HDAC1: variants seen among roughly 807,000 people sequenced by gnomAD.
HDAC1 encodes histone deacetylase 1, also known as protein deacetylase HDAC1.
A neutral mutation model predicts 65.5 loss-of-function variants in HDAC1; 18 were observed. The observed-to-expected ratio is 0.27, with a 90% CI of 0.19 to 0.41. HDAC1 has a LOEUF of 0.41. Among genes scored for constraint, HDAC1 ranks in the 10% least tolerant of loss-of-function variants. HDAC1 has a pLI of 1.00. For synonymous variants in HDAC1, 211 were observed against 227.9 expected (o/e 0.93, Z 0.67); for missense variants, 373 against 625.2 (o/e 0.60, Z 4.30).
At chr1:32,326,147 A>G (rs1442814882) in intron 4 of HDAC1, among the ~76,000 whole-genome samples, 1 of 151,824 alleles carries the variant, frequency 6.6e-6, no homozygotes, top group East Asian at 1.9e-4. Context: ...TATCAGCACT[A>G]TCTTTGGTAA....
Position 32,333,276 on chromosome 1 carries a change from G to T in HDAC1, c.*232G>T. 2.5e-6 allele frequency: 1 copy of T among 406,862 alleles called. No individual in the cohort carries two copies. The highest frequency in any genetic ancestry group is 4.4e-6 in the Non-Finnish European group (1 of 228,656). The allele number at this position is 406,862 out of a possible 1,614,324, so 25.2% of individuals were successfully genotyped here. On this transcript the variant is annotated 3_prime_UTR_variant, in exon 14 of 14. Coordinates refer to ENST00000373548, the MANE Select transcript of HDAC1 (RefSeq NM_004964.3). ...TTCTTAACTTTGAACCATAAAGGGT[G>T]CCAGGTCTGGGTGAAAGGGATACTT...
In HDAC1 at chr1:32,327,170, C is replaced by T; in HGVS notation, c.494+93C>T. 7.7e-7 allele frequency: 1 copy of T among 1,304,090 alleles called. No homozygotes were observed. The highest frequency in any genetic ancestry group is 1.1e-6 in the Non-Finnish European group (1 of 919,766). 80.8% of individuals were successfully genotyped at this position (1,304,090 alleles called of 1,614,324 possible). A position where few individuals can be genotyped will look rare whatever the true frequency, so the allele number is the denominator to read the frequency against. On this transcript the variant is annotated intron_variant, in intron 5 of 13. Transcript: ENST00000373548. This position sits in a 1 kb window ranked among gnomAD's most constrained non-coding sequence, Gnocchi z 6.0. Reference sequence around the variant, plus strand: ...GGGCTTGCCTCCCTAGTTTGCTTTTCCTACCGATGTGCTGGCTAGGATGTG... The same window carrying T: ...GGGCTTGCCTCCCTAGTTTGCTTTTTCTACCGATGTGCTGGCTAGGATGTG...
chr1:32,302,390 G>T (rs754886333), intron 1 of HDAC1, among the ~76,000 whole-genome samples: 6 of 151,908 alleles, frequency 3.9e-5, no homozygotes, highest in Non-Finnish European at 8.8e-5. Context: ...AGTGCCTGTG[G>T]GTTCCAGAAG....
intron 2 of HDAC1, among the ~76,000 whole-genome samples, chr1:32,302,989 T>C (rs936409454): frequency 2.0e-5 from 3 of 152,050 alleles, no homozygotes; most frequent in African/African-American, 7.2e-5. Flanking sequence ...CTGGGCAACA[T>C]AGGGAGACCC....
At chr1:32,314,452 C>T (rs568552346) in intron 2 of HDAC1, among the ~76,000 whole-genome samples, 14 of 152,158 alleles carry the variant, frequency 9.2e-5, no homozygotes, top group East Asian at 1.9e-4. Context: ...CTCAGCCTCC[C>T]GAAGTACTGG....
intron 1 of HDAC1, among the ~76,000 whole-genome samples, chr1:32,298,684 A>G (rs1445736614): frequency 6.6e-6 from 1 of 152,046 alleles, no homozygotes. Flanking sequence ...TATGAGAACA[A>G]TGATGGGAAA....
chr1:32,325,385 A>T (rs1355646049), intron 4 of HDAC1, among the ~76,000 whole-genome samples: 1 of 152,182 alleles, frequency 6.6e-6, no homozygotes, highest in African/African-American at 2.4e-5. Flanking sequence ...CAATATAATC[A>T]CAGAAAACAA....
chr1:32,307,704 A>G (rs1027588844), intron 2 of HDAC1, among the ~76,000 whole-genome samples: 13 of 152,208 alleles, frequency 8.5e-5, no homozygotes, highest in African/African-American at 2.9e-4. Flanking sequence ...GTAGAAACCA[A>G]AACTGAGGAT....
intron 2 of HDAC1, among the ~76,000 whole-genome samples, chr1:32,303,631 G>A (rs1467655156): frequency 6.6e-6 from 1 of 152,074 alleles, no homozygotes; most frequent in Non-Finnish European, 1.5e-5. Context: ...AGAGAAGCTG[G>A]AAATCCAGAT....
intron 11 of HDAC1, 63 bp from the exon 12 acceptor site, chr1:32,332,027 A>G (rs1418726586): frequency 1.2e-5 from 18 of 1,486,840 alleles, no homozygotes; most frequent in Middle Eastern, 2.1e-4. Context: ...AGCACTGGGC[A>G]TAGATGCTGA....
chr1:32,330,323 A>T lies in HDAC1; in HGVS notation c.730-255A>T. The T allele has an allele frequency of 2.2e-6, 1 of 456,106 alleles. No individual in the cohort carries two copies. Among genetic ancestry groups the T allele is most frequent in the East Asian group, 4.2e-5 (1 of 23,908 alleles). The allele number at this position is 456,106 out of a possible 1,614,324, so 28.3% of individuals were successfully genotyped here. ...CTTGGGCAACAGAAGAGACTTAGGG[A>T]GTTGAGAGGGAGGCCATTCTAGGTT... On this transcript the variant is annotated intron_variant, in intron 7 of 13. Coordinates refer to ENST00000373548, the MANE Select transcript of HDAC1 (RefSeq NM_004964.3). This position sits in a 1 kb window ranked among gnomAD's most constrained non-coding sequence, Gnocchi z 4.2.
chr1:32,306,056 A>G (rs560675776), intron 2 of HDAC1, among the ~76,000 whole-genome samples: 1 of 152,318 alleles, frequency 6.6e-6, no homozygotes, highest in African/African-American at 2.4e-5. Context: ...CCCATATGCC[A>G]ATACCACAGT....
chr1:32,317,546 G>C lies in HDAC1; in HGVS notation c.280+764G>C, dbSNP rs552791349. ...AAGTGTCAGAAAATATGCGGCACTT[G>C]TTTGTTGCTGCTGACCACAAGGTAG... On this transcript the variant is annotated intron_variant, in intron 3 of 13. Transcript: ENST00000373548. Among the ~76,000 whole-genome samples, 7 of 152,322 alleles carry C rather than the reference G, an allele frequency of 4.6e-5. No homozygotes were observed. The East Asian group carries it at 1.3e-3, about 29-fold the overall frequency.
intron 2 of HDAC1, among the ~76,000 whole-genome samples, chr1:32,314,104 T>G (rs1031208584): frequency 3.3e-5 from 5 of 152,178 alleles, no homozygotes; most frequent in Non-Finnish European, 4.4e-5. Flanking sequence ...TCCTTGCAAT[T>G]TTAACTTTGC....
chr1:32,310,964 AAGAG>A (rs537565475), intron 2 of HDAC1, among the ~76,000 whole-genome samples: 4 of 152,138 alleles, frequency 2.6e-5, no homozygotes, highest in African/African-American at 4.8e-5. Flanking sequence ...AAAAAAAAGA[AAGAG>A]AGACAGAAAA....
At chr1:32,303,354 G>T (rs1053519627) in intron 2 of HDAC1, among the ~76,000 whole-genome samples, 3 of 152,144 alleles carry the variant, frequency 2.0e-5, no homozygotes, top group Non-Finnish European at 2.9e-5. Context: ...CTACTTAGGA[G>T]CCTAAGCTAG....
At chr1:32,314,450 C>T (rs1252541691) in intron 2 of HDAC1, among the ~76,000 whole-genome samples, 2 of 152,132 alleles carry the variant, frequency 1.3e-5, no homozygotes, top group Non-Finnish European at 2.9e-5. Context: ...GCCTCAGCCT[C>T]CCGAAGTACT....
intron 1 of HDAC1, among the ~76,000 whole-genome samples, chr1:32,301,986 G>A (rs935110697): frequency 2.6e-5 from 4 of 152,120 alleles, no homozygotes; most frequent in East Asian, 1.9e-4. Flanking sequence ...TTTTTTGAGC[G>A]AAGGAGTGAT....
Position 32,319,247 on chromosome 1 carries a change from A to T in HDAC1, c.280+2465A>T, listed in dbSNP as rs182837377. Among the ~76,000 whole-genome samples the T allele has an allele frequency of 3.3e-3, 501 of 152,218 alleles. 6 individuals carry two copies. Among genetic ancestry groups the T allele is most frequent in the African/African-American group, 0.011 (471 of 41,544 alleles). On this transcript the variant is annotated intron_variant, in intron 3 of 13. Transcript: ENST00000373548. The stretch of plus-strand genomic sequence containing the variant: ...TAGTGAGACCTGGTCTCTAAAAAAA[A>T]TTTTTCTAATTAAAATAATTAGGTC...
Sources: allele counts gnomAD v4.1 joint callset (sites outside exome capture counted in the v4.1 genomes callset), GRCh38; gene constraint gnomAD v4.1.1; non-coding constraint Gnocchi (gnomAD v3.1); transcripts MANE v1.5; gene names NCBI Gene and HGNC (gene_info 2026-07-23, HGNC 2026-07-21).